CADM2: variants seen among roughly 807,000 people sequenced by gnomAD.
The protein encoded by CADM2 is cell adhesion molecule 2.
A neutral mutation model predicts 49.8 loss-of-function variants in CADM2; 12 were observed. The observed-to-expected ratio is 0.24, with a 90% confidence interval of 0.15 to 0.39. The LOEUF (loss-of-function observed/expected upper bound fraction) is 0.39, where lower values mean the gene tolerates loss of function less well. Ranked by LOEUF, CADM2 falls within the 10% of genes least tolerant of loss-of-function variation. CADM2 has a pLI of 1.00. For missense variants in CADM2, 378 were observed against 492.3 expected, an observed-to-expected ratio of 0.77 and a Z score of 2.20; for synonymous variants, 214 against 175.4, an observed-to-expected ratio of 1.22 and a Z score of -1.74.
At chr3:85,684,592 G>C (rs1298629360) in intron 1 of CADM2, among the ~76,000 whole-genome samples, 4 of 152,120 alleles carry the variant, frequency 2.6e-5, no homozygotes, top group Admixed American at 2.6e-4. Context: ...AATTTATATA[G>C]AAAAATAGGT....
At chr3:85,159,670 A>G (rs2040253696) in intron 1 of CADM2, among the ~76,000 whole-genome samples, 1 of 152,172 alleles carries the variant, frequency 6.6e-6, no homozygotes, top group Non-Finnish European at 1.5e-5. Context: ...GAGCAAGCTA[A>G]CCGAATGATT....
At chr3:85,107,659 T>TTTC (rs2038294327) in intron 1 of CADM2, among the ~76,000 whole-genome samples, 1 of 119,710 alleles carries the variant, frequency 8.4e-6, no homozygotes, top group Non-Finnish European at 2.0e-5. Flanking sequence ...TTCTTTCTTT[T>TTTC]TTTCCTTCCT....
At chr3:85,076,147 A>G (rs999116349) in intron 1 of CADM2, among the ~76,000 whole-genome samples, 1 of 152,068 alleles carries the variant, frequency 6.6e-6, no homozygotes, top group Admixed American at 6.6e-5. Flanking sequence ...TTTACATTTA[A>G]TCTTTAAATA....
At chr3:85,232,454 T>G (rs1360461707) in intron 1 of CADM2, among the ~76,000 whole-genome samples, 1 of 152,086 alleles carries the variant, frequency 6.6e-6, no homozygotes, top group African/African-American at 2.4e-5. Context: ...TTTGTAAACT[T>G]TTACTTAAAA....
chr3:85,681,875 T>C (rs1434103596), intron 1 of CADM2, among the ~76,000 whole-genome samples: 1 of 152,106 alleles, frequency 6.6e-6, no homozygotes, highest in Non-Finnish European at 1.5e-5. Flanking sequence ...TATCAACTTA[T>C]TATGCAAATA....
intron 7 of CADM2, among the ~76,000 whole-genome samples, chr3:85,960,527 T>C (rs1380811532): frequency 6.6e-6 from 1 of 151,932 alleles, no homozygotes; most frequent in African/African-American, 2.4e-5. Context: ...TCTATATTCT[T>C]ATATGCAGCA....
intron 1 of CADM2, among the ~76,000 whole-genome samples, chr3:85,527,613 A>T (rs983352484): frequency 2.0e-5 from 3 of 151,890 alleles, no homozygotes; most frequent in African/African-American, 7.2e-5. Context: ...AAAAAAATCA[A>T]AATGCACACC....
chr3:85,255,713 C>G (rs1271906037), intron 1 of CADM2, among the ~76,000 whole-genome samples: 1 of 151,990 alleles, frequency 6.6e-6, no homozygotes, highest in Non-Finnish European at 1.5e-5. Flanking sequence ...ACTGCCTGCA[C>G]CCATTACCGG....
chr3:85,153,381 C>A (rs150403064), intron 1 of CADM2, among the ~76,000 whole-genome samples: 29 of 152,228 alleles, frequency 1.9e-4, no homozygotes, highest in African/African-American at 6.3e-4. Context: ...TTCTGATGGT[C>A]TTAAAAAATG....
chr3:85,816,417 C>T (rs2073207997), intron 3 of CADM2, among the ~76,000 whole-genome samples: 1 of 151,914 alleles, frequency 6.6e-6, no homozygotes, highest in Non-Finnish European at 1.5e-5. Context: ...GTGTGTGTAC[C>T]CTGAGCCAGG....
intron 2 of CADM2, among the ~76,000 whole-genome samples, chr3:85,801,798 A>T (rs1429821391): frequency 6.6e-6 from 1 of 152,180 alleles, no homozygotes; most frequent in African/African-American, 2.4e-5. Flanking sequence ...ATAAATCTTT[A>T]TGTATGCCTA....
At chr3:85,739,337 T>C (rs190125482) in intron 2 of CADM2, among the ~76,000 whole-genome samples, 1 of 152,114 alleles carries the variant, frequency 6.6e-6, no homozygotes, top group Admixed American at 6.5e-5. Context: ...GTTTTAGATG[T>C]CAATTATCTT....
intron 1 of CADM2, among the ~76,000 whole-genome samples, chr3:85,356,716 C>T (rs913966362): frequency 2.0e-5 from 3 of 152,192 alleles, no homozygotes; most frequent in African/African-American, 7.2e-5. Flanking sequence ...CATTTAATGT[C>T]CTGTTCATTT....
intron 1 of CADM2, among the ~76,000 whole-genome samples, chr3:85,056,449 C>A (rs1280283086): frequency 6.6e-6 from 1 of 151,954 alleles, no homozygotes; most frequent in Non-Finnish European, 1.5e-5. Flanking sequence ...GTAATAGTCA[C>A]AATGAAAATT....
chr3:85,116,003 G>A (rs1180081474), intron 1 of CADM2, among the ~76,000 whole-genome samples: 3 of 152,170 alleles, frequency 2.0e-5, no homozygotes, highest in East Asian at 1.9e-4. Context: ...TAGGACTCAA[G>A]CAATTGAAAA....
chr3:85,554,706 T>G (rs957454240), intron 1 of CADM2, among the ~76,000 whole-genome samples: 3 of 152,098 alleles, frequency 2.0e-5, no homozygotes, highest in Non-Finnish European at 4.4e-5. Context: ...ATTTTTATTT[T>G]TATTTTTGTG....
chr3:85,664,077 T>C (rs2065490369), intron 1 of CADM2, among the ~76,000 whole-genome samples: 1 of 152,050 alleles, frequency 6.6e-6, no homozygotes, highest in South Asian at 2.1e-4. Context: ...TCTTTTCTTC[T>C]CATAGGATGA....
intron 1 of CADM2, among the ~76,000 whole-genome samples, chr3:85,101,633 T>C (rs2038017189): frequency 6.6e-6 from 1 of 152,236 alleles, no homozygotes; most frequent in Admixed American, 6.5e-5. Flanking sequence ...CAAAATATTC[T>C]TTAAAAAAAT....
intron 1 of CADM2, among the ~76,000 whole-genome samples, chr3:85,331,613 A>C (rs1273469378): frequency 6.6e-6 from 1 of 151,864 alleles, no homozygotes; most frequent in African/African-American, 2.4e-5. Context: ...CAGTATACTG[A>C]TTTTCATCCT....
Sources: allele counts gnomAD v4.1 joint callset (sites outside exome capture counted in the v4.1 genomes callset), GRCh38; gene constraint gnomAD v4.1.1; transcripts MANE v1.5; gene names NCBI Gene and HGNC (gene_info 2026-07-23, HGNC 2026-07-21).